MAP3K12: variants seen among roughly 807,000 people sequenced by gnomAD.
MAP3K12 encodes the protein MAPK-upstream kinase.
Under a neutral mutation model 87.5 loss-of-function variants are expected in MAP3K12, and 14 were observed. That is an observed-to-expected ratio of 0.16 (90% CI 0.11 to 0.25). The LOEUF (loss-of-function observed/expected upper bound fraction) is 0.25. Ranked by LOEUF, MAP3K12 falls within the 10% of genes least tolerant of loss-of-function variation. The pLI is 1.00. For missense variants in MAP3K12, 802 were observed against 1,140.4 expected (o/e 0.70, Z 4.27); for synonymous variants, 469 against 452.5 (o/e 1.04, Z -0.46).
upstream of MAP3K12, chr12:53,500,361 T>C (rs1363495142): frequency 1.3e-5 from 2 of 152,258 alleles, no homozygotes; most frequent in Non-Finnish European, 2.9e-5. Context: ...TCTCTTCAGC[T>C]GAGAGACCCA....
chr12:53,488,435 G>C (rs1374287449), intron 1 of MAP3K12, among the ~76,000 whole-genome samples: 2 of 152,182 alleles, frequency 1.3e-5, no homozygotes, highest in African/African-American at 2.4e-5. Context: ...GCCGAGGCGG[G>C]CGGATCACCT....
At chr12:53,487,640 G>A (rs895045394) in intron 1 of MAP3K12, 6 of 510,778 alleles carry the variant, frequency 1.2e-5, no homozygotes, top group African/African-American at 1.9e-5. Flanking sequence ...AGGCATGTTA[G>A]TAAGGCAAGT....
Position 53,486,696 on chromosome 12 carries a change from G to C in MAP3K12, c.446-74C>G. 6.8e-7 allele frequency: 1 copy of C among 1,475,214 alleles called. No homozygotes were observed. Among genetic ancestry groups the C allele is most frequent in the South Asian group, 1.4e-5 (1 of 72,954 alleles). 91.4% of individuals were successfully genotyped at this position (1,475,214 alleles called of 1,614,324 possible). A position where few individuals can be genotyped will look rare whatever the true frequency, so the allele number is the denominator to read the frequency against. On this transcript the variant is annotated intron_variant, in intron 2 of 13. Coordinates refer to ENST00000547488, the MANE Select transcript of MAP3K12 (RefSeq NM_001193511.2). This position sits in a 1 kb window ranked among gnomAD's most constrained non-coding sequence, Gnocchi z 4.9. ...AAGGCCAGGGACAGGATAGCATTGGGTTGGCTGAATTGACTTAAGGAGGGT... is the reference window on the plus strand; with the variant it reads ...AAGGCCAGGGACAGGATAGCATTGGCTTGGCTGAATTGACTTAAGGAGGGT...
chr12:53,481,764 C>A, intron 13 of MAP3K12, 177 bp downstream of exon 13: 1 of 699,900 alleles, frequency 1.4e-6, no homozygotes, highest in East Asian at 2.8e-5. Context: ...AGCTACTGGT[C>A]AGGCATCGTA....
intron 13 of MAP3K12, 111 bp from the exon 14 acceptor site, chr12:53,481,391 C>T: frequency 2.2e-6 from 1 of 459,076 alleles, no homozygotes; most frequent in South Asian, 4.6e-5. Flanking sequence ...TCACTCTCGC[C>T]CAGGCTGGAG....
At chr12:53,485,554 GTTTT>G (rs1212786204) in intron 4 of MAP3K12, 79 bp from the exon 5 acceptor site, 2 of 1,497,534 alleles carry the variant, frequency 1.3e-6, no homozygotes, top group Non-Finnish European at 1.8e-6. Flanking sequence ...TGCCTTTCAG[GTTTT>G]TTTGTTTGTT....
At position 53,483,155 on chromosome 12, in the gene MAP3K12, T is replaced by G. The variant is rs752176914; in HGVS notation, c.1648A>C (p.Lys550Gln). The G allele has an allele frequency of 2.0e-6, 3 of 1,521,230 alleles. No homozygotes were observed. Among genetic ancestry groups the G allele is most frequent in the Non-Finnish European group, 2.6e-6 (3 of 1,136,890 alleles). The allele number at this position is 1,521,230 out of a possible 1,614,324, so 94.2% of individuals were successfully genotyped here. A position where few individuals can be genotyped will look rare whatever the true frequency, so the allele number is the denominator to read the frequency against. ...ACCCCACTCAGGGCTGCATCTAGTT[T>G]AGGGAGCAAAGACTCCGTCTTGAGG... ...DILKTESLLP[K>Q]LDAALSGVGL... The change falls in exon 11 of 14, where the codon AAA (lysine) becomes CAA (glutamine). Residue 550 changes from lysine to glutamine, a missense_variant. Coordinates refer to ENST00000547488, the MANE Select transcript of MAP3K12 (RefSeq NM_001193511.2).
At chr12:53,484,781 G>A (rs544719451) in intron 6 of MAP3K12, 5 of 509,562 alleles carry the variant, frequency 9.8e-6, no homozygotes, top group African/African-American at 1.9e-5. Flanking sequence ...TGGTTATGCT[G>A]CTCCTTCCTT....
chr12:53,492,089 A>AAG (rs1943426609), intron 1 of MAP3K12, among the ~76,000 whole-genome samples: 1 of 148,272 alleles, frequency 6.7e-6, no homozygotes, highest in African/African-American at 2.6e-5. Context: ...AAAAAAAAAA[A>AAG]AAGAAGAAGA....
Position 53,483,428 on chromosome 12 carries a change from C to T in MAP3K12, c.1534G>A (p.Gly512Ser), listed in dbSNP as rs765674559. 1.2e-6 allele frequency: 2 copies of T among 1,614,112 alleles called. No homozygotes were observed. Among genetic ancestry groups the T allele is most frequent in the South Asian group, 2.2e-5 (2 of 91,088 alleles). Residue 512 changes from glycine to serine, a missense_variant, in exon 10 of 14, where the codon GGC (glycine) becomes AGC (serine). By Grantham distance (56) the Gly-to-Ser change is moderately conservative. Around this residue, in one of 5 missense-constraint regions of MAP3K12, gnomAD observed 99 missense variants for 193.4 expected, o/e 0.51. Transcript: ENST00000547488. ...PGLLKPHPSR[G>S]LLHGNTMEKL... ...TCCATTGTGTTTCCATGCAGGAGGC[C>T]CCGGGAAGGGTGTGGCTTCAGCAGG...
At chr12:53,497,733 A>G (rs146628177) in intron 1 of MAP3K12, among the ~76,000 whole-genome samples, 5 of 152,294 alleles carry the variant, frequency 3.3e-5, no homozygotes, top group African/African-American at 1.2e-4. Context: ...CCAGGGCTTG[A>G]CTGGTGTAGG....
At chr12:53,483,773 C>T (rs754124453) in intron 8 of MAP3K12, 50 bp from the exon 9 acceptor site, 1 of 1,612,944 alleles carries the variant, frequency 6.2e-7, no homozygotes, top group Non-Finnish European at 8.5e-7. Flanking sequence ...CACCTAGGGC[C>T]ATAACAGATC....
chr12:53,495,151 A>T (rs1057348157), intron 1 of MAP3K12, among the ~76,000 whole-genome samples: 1 of 151,970 alleles, frequency 6.6e-6, no homozygotes, highest in Non-Finnish European at 1.5e-5. Context: ...CATCCTGGCT[A>T]CCATGGGGAA....
chr12:53,483,275 T>A, intron 10 of MAP3K12, 74 bp downstream of exon 10: 1 of 1,579,898 alleles, frequency 6.3e-7, no homozygotes, highest in East Asian at 2.2e-5. Context: ...AAAGTACACA[T>A]CTCCCTGCTA....
At chr12:53,484,684 C>A in intron 6 of MAP3K12, 1 of 441,358 alleles carries the variant, frequency 2.3e-6, no homozygotes, top group South Asian at 2.6e-5. Flanking sequence ...TCAAACTTCC[C>A]TGGGTCTAGG....
chr12:53,490,559 C>A (rs1187831941), intron 1 of MAP3K12, among the ~76,000 whole-genome samples: 1 of 151,964 alleles, frequency 6.6e-6, no homozygotes, highest in Non-Finnish European at 1.5e-5. Flanking sequence ...TGCTGGCTAA[C>A]ACGGTGAAAC....
upstream of MAP3K12, chr12:53,501,307 C>A (rs972079980): frequency 1.5e-6 from 2 of 1,378,604 alleles, no homozygotes; most frequent in Non-Finnish European, 2.0e-6. Context: ...CGGGCCCTAC[C>A]GGCCGCGACT....
At chr12:53,501,470 T>A, upstream of MAP3K12, 1 of 1,563,354 alleles carries the variant, frequency 6.4e-7, no homozygotes, top group Non-Finnish European at 8.7e-7. Context: ...AGGTGAGCCG[T>A]CTCGTACCGA....
chr12:53,483,254 C>CAG, intron 10 of MAP3K12, 65 bp from the exon 11 acceptor site: 2 of 1,561,684 alleles, frequency 1.3e-6, no homozygotes, highest in Admixed American at 3.7e-5. Context: ...CACTCCCTAA[C>CAG]CTTGGACACT....
Sources: allele counts gnomAD v4.1 joint callset (sites outside exome capture counted in the v4.1 genomes callset), GRCh38; gene constraint gnomAD v4.1.1; regional missense constraint gnomAD v4.1.1; non-coding constraint Gnocchi (gnomAD v3.1); transcripts MANE v1.5; gene names NCBI Gene and HGNC (gene_info 2026-07-23, HGNC 2026-07-21).